DOCK5: variants seen among roughly 807,000 people sequenced by gnomAD.
DOCK5 encodes the protein dedicator of cytokinesis 5.
In DOCK5, 142 loss-of-function variants were observed where a neutral mutation model predicts 251.8. That is an observed-to-expected ratio of 0.56 (90% CI 0.49 to 0.65). DOCK5 has a LOEUF of 0.65. Among genes scored for constraint, DOCK5 ranks in the 30% least tolerant of loss-of-function variants. The pLI, the probability that DOCK5 is intolerant of heterozygous loss-of-function variation, is 0.00. For missense variants in DOCK5, 2,111 were observed against 2,312.3 expected (o/e 0.91, Z 1.79); for synonymous variants, 842 against 835.5 (o/e 1.01, Z -0.13).
rs373130381 is a variant in DOCK5 at position 25,345,535 on chromosome 8, A to T, written c.2678A>T (p.Asn893Ile). ...CAGCTCAGCGGCCAGTTAGATGACAACTCCAACAAGCCTGACCACGAGGCA... is the reference window on the plus strand; with the variant it reads ...CAGCTCAGCGGCCAGTTAGATGACATCTCCAACAAGCCTGACCACGAGGCA... ...TDQLSGQLDDNSNKPDHEASS... is the reference protein window; with the variant it reads ...TDQLSGQLDDISNKPDHEASS... The change falls in exon 26 of 52, where the codon AAC (asparagine) becomes ATC (isoleucine). Residue 893 changes from asparagine (N) to isoleucine (I), a missense_variant. This residue lies in a region of DOCK5 where 1,717 missense variants were observed against 1,892.4 expected (regional missense o/e 0.91). Coordinates refer to ENST00000276440, the MANE Select transcript of DOCK5 (RefSeq NM_024940.8). The T allele has an allele frequency of 6.2e-7, 1 of 1,613,822 alleles. No individual in the cohort carries two copies.
At chr8:25,331,543 C>T (rs1805681775) in intron 18 of DOCK5, among the ~76,000 whole-genome samples, 1 of 152,058 alleles carries the variant, frequency 6.6e-6, no homozygotes. Flanking sequence ...ATCTGTTCCA[C>T]CTTTTGTTTG....
chr8:25,390,244 C>T lies in DOCK5; in HGVS notation c.4312C>T (p.Pro1438Ser), dbSNP rs867403434. The T allele has an allele frequency of 6.3e-7, 1 of 1,593,280 alleles. No homozygotes were observed. Among genetic ancestry groups the T allele is most frequent in the Non-Finnish European group, 8.6e-7 (1 of 1,169,406 alleles). ...CACTGTAAAGCCAGTGATGAGCTTG[C>T]CGCCCAGCTACAAGGATAAACCTGT... Reference protein sequence around the residue: ...CFTVKPVMSLPPSYKDKPVPE... With the variant: ...CFTVKPVMSLSPSYKDKPVPE... The change falls in exon 42 of 52, where the codon CCG becomes TCG. Residue 1438 changes from proline to serine, a missense_variant. Transcript: ENST00000276440.
Position 25,403,478 on chromosome 8 carries a change from C to A in DOCK5, c.4927-80C>A, listed in dbSNP as rs992549999. 7 of 1,508,832 alleles carry A rather than the reference C, an allele frequency of 4.6e-6. No individual in the cohort carries two copies. The African/African-American group carries it at 8.2e-5, about 18-fold the overall frequency. 93.5% of individuals were successfully genotyped at this position (1,508,832 alleles called of 1,614,324 possible). ...AGTACAGATGGGTACTGGTTAGCCA[C>A]AAGCAAACAGGGCAGCTGTGGCCAG... On this transcript the variant is annotated intron_variant, in intron 47 of 51. Coordinates refer to ENST00000276440, the MANE Select transcript of DOCK5 (RefSeq NM_024940.8).
chr8:25,325,228 CAG>C, intron 17 of DOCK5, 134 bp from the exon 18 acceptor site: 1 of 831,766 alleles, frequency 1.2e-6, no homozygotes, highest in Non-Finnish European at 1.9e-6. Context: ...CAGAGTATCT[CAG>C]AGGTGGAAGG....
At chr8:25,319,825 A>T in intron 15 of DOCK5, 149 bp downstream of exon 15, 2 of 572,214 alleles carry the variant, frequency 3.5e-6, no homozygotes, top group East Asian at 5.9e-5. Context: ...CAGTAATTAT[A>T]ATTCTGTATT....
At chr8:25,385,041 T>C (rs1446724469) in intron 40 of DOCK5, among the ~76,000 whole-genome samples, 1 of 152,084 alleles carries the variant, frequency 6.6e-6, no homozygotes, top group Non-Finnish European at 1.5e-5. Flanking sequence ...GGAATAAGCA[T>C]TGCAGGCAGA....
Position 25,408,858 on chromosome 8 carries a change from A to G in DOCK5, c.5322A>G (p.Leu1774=), listed in dbSNP as rs138659788. ...PKSLQLMDNR[L]SPFHGSSPPQ... ...GTCTCCAGTTGATGGATAATCGGCT[A>G]TCACCATTTCACGGTTCTTCACCTC... is the stretch of plus-strand genomic sequence containing the variant. Residue 1774 remains leucine (L), a synonymous_variant, in exon 50 of 52, where the codon CTA becomes CTG. Transcript: ENST00000276440. The G allele has an allele frequency of 2.2e-3, 3,483 of 1,614,036 alleles. 31 individuals are homozygous for G. The highest frequency in any genetic ancestry group is 2.8e-3 in the South Asian group (258 of 91,084).
At chr8:25,394,751 A>G (rs1801317374) in intron 44 of DOCK5, among the ~76,000 whole-genome samples, 1 of 152,194 alleles carries the variant, frequency 6.6e-6, no homozygotes, top group African/African-American at 2.4e-5. Flanking sequence ...TGTCCAAGGA[A>G]TAATCATTAC....
At chr8:25,297,599 G>A (rs1035981159) in intron 7 of DOCK5, among the ~76,000 whole-genome samples, 1 of 152,114 alleles carries the variant, frequency 6.6e-6, no homozygotes, top group Non-Finnish European at 1.5e-5. Context: ...ATATTGGTCA[G>A]GCCGGTCTCA....
At chr8:25,273,709 T>A (rs1431883997) in intron 3 of DOCK5, among the ~76,000 whole-genome samples, 2 of 152,238 alleles carry the variant, frequency 1.3e-5, no homozygotes, top group Non-Finnish European at 2.9e-5. Context: ...TTTATACTGA[T>A]AGAATTCCAT....
At chr8:25,325,575 A>G in intron 18 of DOCK5, 28 bp downstream of exon 18, 1 of 1,607,710 alleles carries the variant, frequency 6.2e-7, no homozygotes, top group Non-Finnish European at 8.5e-7. Context: ...ACTGACACAA[A>G]TAAGCTTCTT....
intron 18 of DOCK5, among the ~76,000 whole-genome samples, chr8:25,330,795 A>C (rs548978371): frequency 2.4e-4 from 36 of 151,876 alleles, no homozygotes; most frequent in African/African-American, 7.8e-4. Flanking sequence ...AGTGGCTCAC[A>C]CTTGTAATCC....
At chr8:25,223,348 TC>T (rs760048300) in intron 1 of DOCK5, among the ~76,000 whole-genome samples, 29 of 152,268 alleles carry the variant, frequency 1.9e-4, no homozygotes, top group Middle Eastern at 3.4e-3. Flanking sequence ...AGGTTTTTGC[TC>T]TGTCATCTGG....
At chr8:25,289,348 C>T (rs181921832) in intron 5 of DOCK5, among the ~76,000 whole-genome samples, 156 of 151,616 alleles carry the variant, frequency 1.0e-3, no homozygotes, top group African/African-American at 3.5e-3. Flanking sequence ...AACAAGGTCT[C>T]GCTATGTTGC....
rs1296960322 is a variant in DOCK5 at position 25,317,050 on chromosome 8, G to A, written c.1362G>A (p.Glu454=). The A allele has an allele frequency of 6.2e-7, 1 of 1,613,988 alleles. No homozygotes were observed. Among genetic ancestry groups the A allele is most frequent in the Non-Finnish European group, 8.5e-7 (1 of 1,179,886 alleles). Reference sequence around the variant, plus strand: ...TTTATGTCACCCTGATCCACGGTGAGTTTGACAAAGGGAAGAAGAAGACGC... The same window carrying A: ...TTTATGTCACCCTGATCCACGGTGAATTTGACAAAGGGAAGAAGAAGACGC... ...NDIYVTLIHG[E]FDKGKKKTPK... The change falls in exon 14 of 52, where the codon GAG becomes GAA. Residue 454 remains glutamate (E), a synonymous_variant. Coordinates refer to ENST00000276440, the MANE Select transcript of DOCK5 (RefSeq NM_024940.8).
At chr8:25,385,862 CAAG>C (rs1801156510) in intron 40 of DOCK5, among the ~76,000 whole-genome samples, 1 of 151,974 alleles carries the variant, frequency 6.6e-6, no homozygotes, top group South Asian at 2.1e-4. Context: ...ATACAGTAAA[CAAG>C]AAAGACTTCA....
intron 5 of DOCK5, among the ~76,000 whole-genome samples, chr8:25,282,849 CAAAAAAAA>C (rs56687628): frequency 7.6e-5 from 3 of 39,590 alleles, no homozygotes; most frequent in Admixed American, 5.2e-4. Flanking sequence ...GACCCTTTCT[CAAAAAAAA>C]AAAAAAAAAA....
At chr8:25,362,803 T>C (rs1380257565) in intron 28 of DOCK5, among the ~76,000 whole-genome samples, 2 of 152,186 alleles carry the variant, frequency 1.3e-5, no homozygotes, top group African/African-American at 2.4e-5. Flanking sequence ...TTGTACCATT[T>C]GTAAAATGTG....
At position 25,385,457 on chromosome 8, in the gene DOCK5, G is replaced by A. The variant is rs555507056; in HGVS notation, c.4131+2679G>A. Among the ~76,000 whole-genome samples, 25 of 152,120 alleles carry A rather than the reference G, an allele frequency of 1.6e-4. 1 individual carries two copies. The highest frequency in any genetic ancestry group is 1.0e-3 in the Admixed American group (16 of 15,264). ...TGATGGGCTGTGTGGGTGAGGAAGTGAGAGTTGTCAAGAATGATTTCTGGG... is the reference window on the plus strand; with the variant it reads ...TGATGGGCTGTGTGGGTGAGGAAGTAAGAGTTGTCAAGAATGATTTCTGGG... On this transcript the variant is annotated intron_variant, in intron 40 of 51. Coordinates refer to ENST00000276440, the MANE Select transcript of DOCK5 (RefSeq NM_024940.8).
Sources: allele counts gnomAD v4.1 joint callset (sites outside exome capture counted in the v4.1 genomes callset), GRCh38; gene constraint gnomAD v4.1.1; regional missense constraint gnomAD v4.1.1; transcripts MANE v1.5; gene names NCBI Gene and HGNC (gene_info 2026-07-23, HGNC 2026-07-21).